Variants in NIPSNAP1 observed in about 807,000 individuals in gnomAD.
The protein encoded by NIPSNAP1 is nipsnap homolog 1.
A neutral mutation model predicts 49.2 loss-of-function variants in NIPSNAP1; 25 were observed. The ratio of observed to expected loss-of-function variants is 0.51; its 90% CI spans 0.37 to 0.71. The LOEUF (loss-of-function observed/expected upper bound fraction) is 0.71, where lower values mean the gene tolerates loss of function less well. Ranked by LOEUF, NIPSNAP1 falls within the 30% of genes least tolerant of loss-of-function variation. The pLI is 0.00. For missense variants in NIPSNAP1, 294 were observed against 361.0 expected, an observed-to-expected ratio of 0.81 and a Z score of 1.50; for synonymous variants, 143 against 140.7, an observed-to-expected ratio of 1.02 and a Z score of -0.12.
chr22:29,565,224 G>C (rs2064361205), intron 4 of NIPSNAP1, among the ~76,000 whole-genome samples: 2 of 150,180 alleles, frequency 1.3e-5, no homozygotes. Flanking sequence ...ATAAAAAGAA[G>C]AAAAAGGCCA....
At chr22:29,572,479 A>G (rs917273163) in intron 1 of NIPSNAP1, among the ~76,000 whole-genome samples, 7 of 151,534 alleles carry the variant, frequency 4.6e-5, no homozygotes, top group African/African-American at 1.7e-4. Flanking sequence ...CCAGGAGTTC[A>G]AGATCAGCCT....
At chr22:29,578,665 C>G (rs887474952) in intron 1 of NIPSNAP1, among the ~76,000 whole-genome samples, 1 of 151,290 alleles carries the variant, frequency 6.6e-6, no homozygotes, top group Non-Finnish European at 1.5e-5. Flanking sequence ...AACTGCAAGA[C>G]AGTCCTTGAG....
chr22:29,561,063 A>C, intron 7 of NIPSNAP1, 108 bp downstream of exon 7: 2 of 1,109,260 alleles, frequency 1.8e-6, no homozygotes, highest in Non-Finnish European at 2.7e-6. Flanking sequence ...CAGAAGGTAA[A>C]GAGTTCCCTG....
At position 29,555,140 on chromosome 22, in the gene NIPSNAP1, G is replaced by T. The variant is rs867887669; in HGVS notation, c.*795C>A. 1 of 152,430 alleles carries T rather than the reference G, an allele frequency of 6.6e-6. No homozygotes were observed. The highest frequency in any genetic ancestry group is 1.5e-5 in the Non-Finnish European group (1 of 68,124). The allele number at this position is 152,430 out of a possible 1,614,324, so 9.4% of individuals were successfully genotyped here. On this transcript the variant is annotated 3_prime_UTR_variant, in exon 10 of 10. Transcript: ENST00000216121. Reference sequence around the variant, plus strand: ...TTTAAGTTTTCAACCCCAATATGCAGGGGGAAACAGCCAAGCCACTCTCCA... The same window carrying T: ...TTTAAGTTTTCAACCCCAATATGCATGGGGAAACAGCCAAGCCACTCTCCA...
intron 4 of NIPSNAP1, chr22:29,564,417 T>C (rs560064785): frequency 4.5e-5 from 21 of 470,498 alleles, no homozygotes; most frequent in Non-Finnish European, 7.9e-5. Context: ...GACAGCATCA[T>C]TGGCAAGAGG....
intron 7 of NIPSNAP1, 124 bp from the exon 8 acceptor site, chr22:29,560,952 G>A (rs1387046142): frequency 1.0e-6 from 1 of 986,470 alleles, no homozygotes; most frequent in Non-Finnish European, 1.6e-6. Context: ...GGGATGCTGA[G>A]AGAAAGGACT....
At chr22:29,569,169 G>A (rs1167807723) in intron 4 of NIPSNAP1, 24 bp downstream of exon 4, 5 of 1,602,982 alleles carry the variant, frequency 3.1e-6, no homozygotes, top group Non-Finnish European at 3.4e-6. Context: ...AGTGGCAATG[G>A]CACTAGGGAG....
intron 4 of NIPSNAP1, among the ~76,000 whole-genome samples, chr22:29,567,906 G>A (rs921771881): frequency 4.0e-5 from 6 of 151,446 alleles, no homozygotes; most frequent in Admixed American, 6.6e-5. Context: ...GGCCAGGCAC[G>A]GTGGCTCATG....
chr22:29,566,380 G>A (rs2064368460), intron 4 of NIPSNAP1, among the ~76,000 whole-genome samples: 1 of 151,954 alleles, frequency 6.6e-6, no homozygotes, highest in Admixed American at 6.6e-5. Flanking sequence ...ATTCATAGGT[G>A]TGATGGTATT....
intron 3 of NIPSNAP1, 26 bp from the exon 4 acceptor site, chr22:29,569,313 A>G: frequency 6.3e-7 from 1 of 1,575,512 alleles, no homozygotes; most frequent in Non-Finnish European, 8.7e-7. Flanking sequence ...AGAGAGGGGC[A>G]GGGTTCACAT....
chr22:29,578,878 C>G (rs1354240852), intron 1 of NIPSNAP1, among the ~76,000 whole-genome samples: 1 of 151,054 alleles, frequency 6.6e-6, no homozygotes, highest in Non-Finnish European at 1.5e-5. Flanking sequence ...GGTTTTACCA[C>G]CAATCCATTC....
At chr22:29,567,988 G>A (rs1166737037) in intron 4 of NIPSNAP1, among the ~76,000 whole-genome samples, 1 of 148,494 alleles carries the variant, frequency 6.7e-6, no homozygotes, top group Non-Finnish European at 1.5e-5. Flanking sequence ...GACCAGCCTG[G>A]GCAACATGGA....
chr22:29,581,029 G>GC lies in NIPSNAP1; in HGVS notation c.53dup (p.Pro21AlafsTer20). On this transcript the variant is annotated frameshift_variant, in exon 1 of 10. Coordinates refer to ENST00000216121, the MANE Select transcript of NIPSNAP1 (RefSeq NM_003634.4). LOFTEE classifies it high-confidence loss of function. Reference sequence around the variant, plus strand: ...CAACGTCCCCAGCGCGAGGCCCCGGGCCCCCCAGCAGCCGCCGCGCCGTCA... The same window carrying GC: ...CAACGTCCCCAGCGCGAGGCCCCGGGCCCCCCCAGCAGCCGCCGCGCCGTCA... 4 of 1,537,310 alleles carry GC rather than the reference G, an allele frequency of 2.6e-6. No homozygotes were observed. The highest frequency in any genetic ancestry group is 8.7e-7 in the Non-Finnish European group (1 of 1,145,160).
chr22:29,572,855 T>A (rs913415696), intron 1 of NIPSNAP1, among the ~76,000 whole-genome samples: 1 of 151,816 alleles, frequency 6.6e-6, no homozygotes. Flanking sequence ...TGGTGACACA[T>A]GCCTGTAGTC....
At chr22:29,574,261 CAAAAA>C (rs1158442759) in intron 1 of NIPSNAP1, among the ~76,000 whole-genome samples, 8 of 36,682 alleles carry the variant, frequency 2.2e-4, no homozygotes, top group East Asian at 1.5e-3. Context: ...TCCATCTTCA[CAAAAA>C]AAAAAAAAAA....
intron 1 of NIPSNAP1, among the ~76,000 whole-genome samples, chr22:29,575,143 T>C (rs527554968): frequency 6.6e-6 from 1 of 152,292 alleles, no homozygotes; most frequent in East Asian, 1.9e-4. Context: ...TGGAGGGAGA[T>C]GGGCAGTGAG....
intron 4 of NIPSNAP1, among the ~76,000 whole-genome samples, chr22:29,562,674 A>G (rs2064343732): frequency 6.6e-6 from 1 of 151,732 alleles, no homozygotes; most frequent in African/African-American, 2.4e-5. Context: ...CTGGGCAACA[A>G]GAGCGAAACT....
chr22:29,580,871 T>C, intron 1 of NIPSNAP1, 114 bp downstream of exon 1: 1 of 852,906 alleles, frequency 1.2e-6, no homozygotes, highest in Non-Finnish European at 1.7e-6. Flanking sequence ...GCCCCGCCTC[T>C]AACCCCCAGA....
At chr22:29,578,646 G>C (rs1047506103) in intron 1 of NIPSNAP1, among the ~76,000 whole-genome samples, 4 of 151,218 alleles carry the variant, frequency 2.6e-5, no homozygotes, top group Non-Finnish European at 5.9e-5. Flanking sequence ...GTGGAATTAA[G>C]GTATAAGTAA....
Sources: gnomAD v4.1 joint callset for allele counts (sites outside exome capture counted in the v4.1 genomes callset) on GRCh38, gnomAD v4.1.1 for gene constraint, MANE v1.5 for transcripts, NCBI Gene and HGNC (gene_info 2026-07-23, HGNC 2026-07-21) for gene names.